Variants in EYS observed in about 807,000 individuals in gnomAD.
EYS encodes the protein EGF-like photoreceptor maintenance factor.
In EYS, 250 loss-of-function variants were observed where a neutral mutation model predicts 282.1. That is an observed-to-expected ratio of 0.89 (90% CI 0.80 to 0.98). The LOEUF (loss-of-function observed/expected upper bound fraction) is 0.98, where lower values mean the gene tolerates loss of function less well. Among genes scored for constraint, EYS ranks in the 50% least tolerant of loss-of-function variants. The probability of loss-of-function intolerance (pLI) is 0.00; values close to 1 mark genes in which losing one functional copy is unlikely to be tolerated. For synonymous variants in EYS, 1,355 were observed against 1,282.9 expected (o/e 1.06, Z -1.20); for missense variants, 4,016 against 3,709.0 (o/e 1.08, Z -2.15).
At chr6:64,260,492 C>T (rs563751972) in intron 30 of EYS, among the ~76,000 whole-genome samples, 1 of 152,128 alleles carries the variant, frequency 6.6e-6, no homozygotes, top group South Asian at 2.1e-4. Context: ...GAAAGAGATG[C>T]ATACCTTTGC....
intron 8 of EYS, among the ~76,000 whole-genome samples, chr6:65,359,941 A>C (rs1427869224): frequency 1.3e-5 from 2 of 151,934 alleles, no homozygotes; most frequent in East Asian, 3.9e-4. Context: ...ACACACCTCA[A>C]TTCTCACAGG....
At chr6:65,322,565 G>C (rs900957771) in intron 11 of EYS, among the ~76,000 whole-genome samples, 1 of 151,966 alleles carries the variant, frequency 6.6e-6, no homozygotes, top group Admixed American at 6.6e-5. Flanking sequence ...GGGAGACCAA[G>C]GTGGGTGGAT....
At chr6:64,582,690 AC>A (rs2149825537) in intron 26 of EYS, among the ~76,000 whole-genome samples, 1 of 152,074 alleles carries the variant, frequency 6.6e-6, no homozygotes, top group East Asian at 1.9e-4. Flanking sequence ...TGTAGAATGC[AC>A]AAAAAAGTTT....
chr6:64,900,051 G>A (rs780673725), intron 18 of EYS, among the ~76,000 whole-genome samples: 2 of 152,134 alleles, frequency 1.3e-5, no homozygotes, highest in African/African-American at 2.4e-5. Context: ...CAATGGAACA[G>A]AACAGAAGCC....
Position 65,661,942 on chromosome 6 carries a change from G to A in EYS, c.-447-22050C>T, listed in dbSNP as rs574826780. Among the ~76,000 whole-genome samples the A allele has an allele frequency of 4.6e-5, 7 of 152,172 alleles. No individual in the cohort carries two copies. The South Asian group carries it at 1.5e-3, about 32-fold the overall frequency. The stretch of plus-strand genomic sequence containing the variant: ...AGTTTTGAATGGAGGCATAATGAAA[G>A]GATGGAGAGGCAAGAAGGAGGTTAC... On this transcript the variant is annotated intron_variant, in intron 1 of 42. Coordinates refer to ENST00000503581, the MANE Select transcript of EYS (RefSeq NM_001142800.2).
chr6:64,875,867 C>A (rs1248693381), intron 19 of EYS, among the ~76,000 whole-genome samples: 2 of 151,806 alleles, frequency 1.3e-5, no homozygotes, highest in Non-Finnish European at 2.9e-5. Context: ...GGATAATGAC[C>A]TATAAATATA....
intron 7 of EYS, 21 bp downstream of exon 7, chr6:65,402,457 T>C: frequency 7.0e-7 from 1 of 1,428,714 alleles, no homozygotes; most frequent in South Asian, 1.2e-5. Context: ...GTATTAAAAA[T>C]AAACAGAAAA....
intron 12 of EYS, among the ~76,000 whole-genome samples, chr6:65,134,945 T>G (rs1423510801): frequency 6.6e-6 from 1 of 151,918 alleles, no homozygotes; most frequent in Admixed American, 6.6e-5. Context: ...GTTGAGAAAA[T>G]CTGTGATCAT....
chr6:64,905,665 A>T (rs1583280886), intron 16 of EYS, among the ~76,000 whole-genome samples: 1 of 152,312 alleles, frequency 6.6e-6, no homozygotes, highest in East Asian at 1.9e-4. Context: ...ATTATTTTTT[A>T]AAATCACTTA....
At chr6:64,521,022 C>G (rs760738687) in intron 26 of EYS, among the ~76,000 whole-genome samples, 132 of 151,754 alleles carry the variant, frequency 8.7e-4, no homozygotes, top group Non-Finnish European at 1.6e-3. Flanking sequence ...AGACCCTCAT[C>G]CAGCAATGCG....
At chr6:65,536,400 G>A (rs1327589134) in intron 2 of EYS, among the ~76,000 whole-genome samples, 1 of 151,742 alleles carries the variant, frequency 6.6e-6, no homozygotes, top group Non-Finnish European at 1.5e-5. Context: ...CAAAATCTAG[G>A]TGACACCTTT....
At chr6:65,357,123 T>C (rs1443254737) in intron 8 of EYS, among the ~76,000 whole-genome samples, 1 of 151,954 alleles carries the variant, frequency 6.6e-6, no homozygotes, top group Non-Finnish European at 1.5e-5. Flanking sequence ...TTGGTTCACT[T>C]TCATCATGTT....
intron 13 of EYS, among the ~76,000 whole-genome samples, chr6:65,008,806 G>A (rs1771773156): frequency 6.6e-6 from 1 of 152,114 alleles, no homozygotes; most frequent in Admixed American, 6.5e-5. Flanking sequence ...TGACCATTGA[G>A]GGCCAGGAGG....
intron 19 of EYS, among the ~76,000 whole-genome samples, chr6:64,879,494 A>G: frequency 6.6e-6 from 1 of 152,130 alleles, no homozygotes; most frequent in East Asian, 1.9e-4. Flanking sequence ...AAAAAAACAT[A>G]CAAAAAGCTT....
At chr6:65,371,996 A>C (rs1354060448) in intron 8 of EYS, among the ~76,000 whole-genome samples, 3 of 134,150 alleles carry the variant, frequency 2.2e-5, no homozygotes, top group Non-Finnish European at 4.8e-5. Context: ...ATAATTGTAA[A>C]AAAAAAAAAA....
At chr6:64,604,863 T>G (rs557416012) in intron 24 of EYS, among the ~76,000 whole-genome samples, 4 of 152,098 alleles carry the variant, frequency 2.6e-5, no homozygotes, top group African/African-American at 9.6e-5. Context: ...TAGAGACAGA[T>G]GCGCAGGCAA....
chr6:64,938,235 C>A (rs1477858488), intron 15 of EYS, among the ~76,000 whole-genome samples: 8 of 151,650 alleles, frequency 5.3e-5, no homozygotes, highest in East Asian at 1.9e-4. Context: ...TCTACTAAAT[C>A]TATAGTAGTT....
At chr6:64,321,342 G>A (rs1379458718) in intron 29 of EYS, among the ~76,000 whole-genome samples, 1 of 151,564 alleles carries the variant, frequency 6.6e-6, no homozygotes, top group Non-Finnish European at 1.5e-5. Context: ...TTCATTTATT[G>A]ATATATTCAT....
chr6:64,220,037 G>T (rs970273320), intron 31 of EYS, among the ~76,000 whole-genome samples: 1 of 152,102 alleles, frequency 6.6e-6, no homozygotes. Context: ...ATTGTGGGGT[G>T]AGGGGGAGGG....
Sources: gnomAD v4.1 joint callset for allele counts (sites outside exome capture counted in the v4.1 genomes callset) on GRCh38, gnomAD v4.1.1 for gene constraint, MANE v1.5 for transcripts, NCBI Gene and HGNC (gene_info 2026-07-23, HGNC 2026-07-21) for gene names.